DYNLL2: variants seen among roughly 807,000 people sequenced by gnomAD.
DYNLL2 encodes the protein dynein light chain LC8-type 2, also known as dynein light chain 2, cytoplasmic.
DYNLL2 carries 1 observed loss-of-function variant against 9.7 expected under a neutral mutation model. The ratio of observed to expected loss-of-function variants is 0.10; its 90% CI spans 0.04 to 0.49. The LOEUF is 0.49. DYNLL2 is among the 20% of genes least tolerant of loss of function. The pLI is 0.95. For missense variants in DYNLL2, 37 were observed against 115.2 expected, an observed-to-expected ratio of 0.32 and a Z score of 3.11; for synonymous variants, 35 against 40.5, an observed-to-expected ratio of 0.86 and a Z score of 0.52.
chr17:58,086,416 C>A (rs184400210), intron 1 of DYNLL2, among the ~76,000 whole-genome samples: 1 of 152,198 alleles, frequency 6.6e-6, no homozygotes, highest in Non-Finnish European at 1.5e-5. Flanking sequence ...TGTAGACTGT[C>A]CTTGTGTGCA....
intron 1 of DYNLL2, among the ~76,000 whole-genome samples, chr17:58,086,235 G>A (rs939999710): frequency 2.6e-5 from 4 of 152,220 alleles, no homozygotes; most frequent in African/African-American, 9.6e-5. Flanking sequence ...GGCCTGTATA[G>A]GGCAGGGGTT....
intron 2 of DYNLL2, among the ~76,000 whole-genome samples, chr17:58,087,470 A>G (rs1458980582): frequency 6.6e-6 from 1 of 152,124 alleles, no homozygotes; most frequent in Non-Finnish European, 1.5e-5. Flanking sequence ...ACAGGTAATT[A>G]TGCTACTGCA....
Position 58,093,719 on chromosome 17 carries a change from A to C in DYNLL2, c.*4440A>C, listed in dbSNP as rs1227527013. 1 of 151,976 alleles carries C rather than the reference A, an allele frequency of 6.6e-6. No homozygotes were observed. The highest frequency in any genetic ancestry group is 1.9e-4 in the East Asian group (1 of 5,170). 9.4% of individuals were successfully genotyped at this position (151,976 alleles called of 1,614,324 possible). A position where few individuals can be genotyped will look rare whatever the true frequency, so the allele number is the denominator to read the frequency against. On this transcript the variant is annotated 3_prime_UTR_variant, in exon 3 of 3. Transcript: ENST00000579991. ...CCTCTCTACTAAGGATTAAGGAGCC[A>C]CCTCTTCCTCCTTAAGGCCTTTGGG...
At chr17:58,084,434 T>C (rs866784391) in intron 1 of DYNLL2, among the ~76,000 whole-genome samples, 1 of 152,138 alleles carries the variant, frequency 6.6e-6, no homozygotes, top group African/African-American at 2.4e-5. Context: ...CCCTTTGTGC[T>C]TTTCACAGGA....
intron 2 of DYNLL2, among the ~76,000 whole-genome samples, chr17:58,088,186 C>G (rs2075767334): frequency 6.6e-6 from 1 of 152,198 alleles, no homozygotes; most frequent in Admixed American, 6.5e-5. Flanking sequence ...CCCAGATTTT[C>G]TGGTCTGCGC....
Position 58,090,846 on chromosome 17 carries a change from G to A in DYNLL2, c.*1567G>A, listed in dbSNP as rs1180140961. The A allele has an allele frequency of 1.3e-5, 2 of 150,236 alleles. No homozygotes were observed. Among genetic ancestry groups the A allele is most frequent in the African/African-American group, 2.5e-5 (1 of 40,710 alleles). 9.3% of individuals were successfully genotyped at this position (150,236 alleles called of 1,614,324 possible). On this transcript the variant is annotated 3_prime_UTR_variant, in exon 3 of 3. Coordinates refer to ENST00000579991, the MANE Select transcript of DYNLL2 (RefSeq NM_080677.3). ...TAGGGTTGACAATGTGGGGGGGTGGGGGATCCAGCTTATTCTTTTATTTTC... is the reference window on the plus strand; with the variant it reads ...TAGGGTTGACAATGTGGGGGGGTGGAGGATCCAGCTTATTCTTTTATTTTC...
intron 2 of DYNLL2, 110 bp from the exon 3 acceptor site, chr17:58,089,032 A>G (rs1271340826): frequency 2.1e-6 from 3 of 1,397,316 alleles, no homozygotes; most frequent in African/African-American, 1.4e-5. Context: ...GGTGGGGGTG[A>G]TAACAACCAA....
Position 58,094,462 on chromosome 17 carries a change from G to C in DYNLL2, c.*5183G>C, listed in dbSNP as rs2075791180. On this transcript the variant is annotated 3_prime_UTR_variant, in exon 3 of 3. Transcript: ENST00000579991. ...CCTGCTCAATTATACCCATGTTATA[G>C]GGAAGGAAATAGGGAAGAAACTTGT... 1 of 152,178 alleles carries C rather than the reference G, an allele frequency of 6.6e-6. No homozygotes were observed. Among genetic ancestry groups the C allele is most frequent in the Non-Finnish European group, 1.5e-5 (1 of 68,026 alleles). The allele number at this position is 152,178 out of a possible 1,614,324, so 9.4% of individuals were successfully genotyped here.
intron 2 of DYNLL2, 90 bp downstream of exon 2, chr17:58,087,312 A>G: frequency 6.4e-7 from 1 of 1,552,668 alleles, no homozygotes; most frequent in Non-Finnish European, 8.7e-7. Flanking sequence ...GGACATAAGA[A>G]AGCCCGTATA....
At position 58,083,477 on chromosome 17, in the gene DYNLL2, G is replaced by T. The variant is rs1298002756; in HGVS notation, c.-216G>T. On this transcript the variant is annotated 5_prime_UTR_variant, in exon 1 of 3. Transcript: ENST00000579991. ...GTGCGGAGCGGGCGGGCGGGCGGGC[G>T]GCGTGAGGCGGAGCGCGGGCGGCCG... is the stretch of plus-strand genomic sequence containing the variant. 1 of 149,620 alleles carries T rather than the reference G, an allele frequency of 6.7e-6. No individual in the cohort carries two copies. The highest frequency in any genetic ancestry group is 2.5e-5 in the African/African-American group (1 of 40,716). 9.3% of individuals were successfully genotyped at this position (149,620 alleles called of 1,614,324 possible). A position where few individuals can be genotyped will look rare whatever the true frequency, so the allele number is the denominator to read the frequency against.
Position 58,093,083 on chromosome 17 carries a change from C to T in DYNLL2, c.*3804C>T, listed in dbSNP as rs2075786164. 1 of 152,220 alleles carries T rather than the reference C, an allele frequency of 6.6e-6. No homozygotes were observed. Among genetic ancestry groups the T allele is most frequent in the Non-Finnish European group, 1.5e-5 (1 of 68,046 alleles). The allele number at this position is 152,220 out of a possible 1,614,324, so 9.4% of individuals were successfully genotyped here. A position where few individuals can be genotyped will look rare whatever the true frequency, so the allele number is the denominator to read the frequency against. On this transcript the variant is annotated 3_prime_UTR_variant, in exon 3 of 3. Transcript: ENST00000579991. ...GAGCATTTTTCTCTTAACTGCTTATCTTCAAGTAAACAGAACAGTGCCTGT... is the reference window on the plus strand; with the variant it reads ...GAGCATTTTTCTCTTAACTGCTTATTTTCAAGTAAACAGAACAGTGCCTGT...
At chr17:58,086,754 G>A (rs1297789750) in intron 1 of DYNLL2, among the ~76,000 whole-genome samples, 1 of 152,154 alleles carries the variant, frequency 6.6e-6, no homozygotes, top group Non-Finnish European at 1.5e-5. Flanking sequence ...CTTGCCCAAC[G>A]ACACAGCTAG....
At chr17:58,084,545 T>G (rs1371892438) in intron 1 of DYNLL2, among the ~76,000 whole-genome samples, 1 of 152,200 alleles carries the variant, frequency 6.6e-6, no homozygotes, top group East Asian at 1.9e-4. Context: ...AGGGAGGGGC[T>G]AGGCTGGACA....
intron 2 of DYNLL2, among the ~76,000 whole-genome samples, chr17:58,088,603 G>C (rs2075769048): frequency 6.6e-6 from 1 of 152,192 alleles, no homozygotes; most frequent in African/African-American, 2.4e-5. Flanking sequence ...AGCCCACACA[G>C]TGCATGGCAC....
intron 1 of DYNLL2, among the ~76,000 whole-genome samples, chr17:58,084,423 G>A (rs796851720): frequency 6.6e-6 from 1 of 152,152 alleles, no homozygotes; most frequent in Non-Finnish European, 1.5e-5. Flanking sequence ...GTCCTGGGGT[G>A]CCCTTTGTGC....
intron 1 of DYNLL2, among the ~76,000 whole-genome samples, chr17:58,086,081 A>G (rs1038622997): frequency 6.6e-6 from 1 of 152,190 alleles, no homozygotes; most frequent in Non-Finnish European, 1.5e-5. Flanking sequence ...ACAGAGAGAG[A>G]CATGTCCTGT....
intron 1 of DYNLL2, 84 bp from the exon 2 acceptor site, chr17:58,086,998 T>TG: frequency 6.5e-7 from 1 of 1,540,606 alleles, no homozygotes; most frequent in Non-Finnish European, 8.9e-7. Flanking sequence ...ACTCCCCTCT[T>TG]GCACTGAGAC....
rs1434277119 is a variant in DYNLL2 at position 58,089,668 on chromosome 17, CTG to C, written c.*392_*393del. The C allele has an allele frequency of 2.4e-6, 1 of 411,902 alleles. No homozygotes were observed. The highest frequency in any genetic ancestry group is 4.2e-6 in the Non-Finnish European group (1 of 236,452). 25.5% of individuals were successfully genotyped at this position (411,902 alleles called of 1,614,324 possible). A position where few individuals can be genotyped will look rare whatever the true frequency, so the allele number is the denominator to read the frequency against. On this transcript the variant is annotated 3_prime_UTR_variant, in exon 3 of 3. Coordinates refer to ENST00000579991, the MANE Select transcript of DYNLL2 (RefSeq NM_080677.3). ...TAGGTCTCTGGAGGTGGAACTAAAACTGTGCAGCTGCCTCTTCCTGGCGGTGG... is the reference window on the plus strand; with the variant it reads ...TAGGTCTCTGGAGGTGGAACTAAAACTGCAGCTGCCTCTTCCTGGCGGTGG...
intron 1 of DYNLL2, among the ~76,000 whole-genome samples, chr17:58,084,860 T>C (rs1272239477): frequency 6.7e-6 from 1 of 149,350 alleles, no homozygotes; most frequent in African/African-American, 2.5e-5. Flanking sequence ...TTCTGAGTGG[T>C]AACCTGGAAT....
Sources: gnomAD v4.1 joint callset for allele counts (sites outside exome capture counted in the v4.1 genomes callset) on GRCh38, gnomAD v4.1.1 for gene constraint, MANE v1.5 for transcripts, NCBI Gene and HGNC (gene_info 2026-07-23, HGNC 2026-07-21) for gene names.